Variants in HDAC9 observed in about 807,000 individuals in gnomAD.
HDAC9 encodes histone deacetylase 9, also known as MEF-2 interacting transcription repressor (MITR) protein.
A neutral mutation model predicts 139.4 loss-of-function variants in HDAC9; 41 were observed. The ratio of observed to expected loss-of-function variants is 0.29; its 90% confidence interval spans 0.23 to 0.38. HDAC9 has a LOEUF of 0.38. Among genes scored for constraint, HDAC9 ranks in the 10% least tolerant of loss-of-function variants. The pLI, the probability that HDAC9 is intolerant of heterozygous loss-of-function variation, is 1.00. For missense variants in HDAC9, 1,147 were observed against 1,297.0 expected (o/e 0.88, Z 1.78); for synonymous variants, 517 against 476.2 (o/e 1.09, Z -1.12).
intron 12 of HDAC9, among the ~76,000 whole-genome samples, chr7:18,675,333 C>A (rs374919738): frequency 6.6e-6 from 1 of 152,022 alleles, no homozygotes; most frequent in Non-Finnish European, 1.5e-5. Flanking sequence ...TCCCCACCTA[C>A]TAGCAACTCC....
At chr7:18,163,533 C>G (rs1000857358) in intron 2 of HDAC9, among the ~76,000 whole-genome samples, 2 of 152,080 alleles carry the variant, frequency 1.3e-5, no homozygotes, top group African/African-American at 4.8e-5. Context: ...TTTACAAGTT[C>G]CCTTGACAAT....
chr7:18,928,887 TTTATTA>T lies in HDAC9; in HGVS notation c.2804-6917_2804-6912del, dbSNP rs549299592. The stretch of plus-strand genomic sequence containing the variant: ...ATGATATATCACAACATAGAGCCTG[TTTATTA>T]TTATACTATTTATTTATTATTTTCT... On this transcript the variant is annotated intron_variant, in intron 22 of 25. Transcript: ENST00000686413. 2.6e-3 allele frequency among the ~76,000 whole-genome samples: 400 copies of T among 152,082 alleles called. 1 individual carries two copies. The highest frequency in any genetic ancestry group is 0.014 in the Middle Eastern group (4 of 292).
chr7:18,402,487 A>C (rs1787638725), intron 1 of HDAC9, among the ~76,000 whole-genome samples: 1 of 152,214 alleles, frequency 6.6e-6, no homozygotes, highest in African/African-American at 2.4e-5. Context: ...AATGTAGTAT[A>C]AAGTAAAAGA....
Position 18,719,657 on chromosome 7 carries a change from T to G in HDAC9, c.1732-7923T>G, listed in dbSNP as rs117927665. Reference sequence around the variant, plus strand: ...GCCTGACTTAAGTAACCTATTTTTTTGGGGGAGGGGGTCTCTTTTGCCTTT... The same window carrying G: ...GCCTGACTTAAGTAACCTATTTTTTGGGGGGAGGGGGTCTCTTTTGCCTTT... On this transcript the variant is annotated intron_variant, in intron 12 of 25. Transcript: ENST00000686413. Among the ~76,000 whole-genome samples the G allele has an allele frequency of 3.2e-3, 484 of 152,180 alleles. 3 individuals carry two copies. Among genetic ancestry groups the G allele is most frequent in the East Asian group, 0.026 (136 of 5,160 alleles).
At chr7:18,366,302 T>C (rs1051050234) in intron 1 of HDAC9, among the ~76,000 whole-genome samples, 4 of 152,138 alleles carry the variant, frequency 2.6e-5, no homozygotes, top group African/African-American at 4.8e-5. Context: ...GGTCAGTTAT[T>C]ACTTGGCAGT....
At chr7:18,740,372 C>G (rs1787337991) in intron 13 of HDAC9, among the ~76,000 whole-genome samples, 1 of 152,188 alleles carries the variant, frequency 6.6e-6, no homozygotes, top group Non-Finnish European at 1.5e-5. Context: ...GACCTGCAGA[C>G]CAGAGCTGTT....
At position 18,664,501 on chromosome 7, in the gene HDAC9, G is replaced by A. The variant is rs191083014; in HGVS notation, c.1468-1712G>A. On this transcript the variant is annotated intron_variant, in intron 11 of 25. Transcript: ENST00000686413. ...ATCATCTACTTTAACATTATCTTTC[G>A]GCATGTTCCTCTGGTTCTCAAACTC... is the stretch of plus-strand genomic sequence containing the variant. Among the ~76,000 whole-genome samples the A allele has an allele frequency of 7.8e-4, 119 of 151,720 alleles. 1 individual carries two copies. Among genetic ancestry groups the A allele is most frequent in the East Asian group, 3.3e-3 (17 of 5,144 alleles).
chr7:18,680,066 A>C (rs1781790441), intron 12 of HDAC9, among the ~76,000 whole-genome samples: 1 of 152,010 alleles, frequency 6.6e-6, no homozygotes, highest in Non-Finnish European at 1.5e-5. Flanking sequence ...GTGCCAATAT[A>C]AACCATGACT....
chr7:18,243,635 C>T (rs1178362311), intron 2 of HDAC9, among the ~76,000 whole-genome samples: 4 of 152,194 alleles, frequency 2.6e-5, no homozygotes, highest in African/African-American at 9.6e-5. Flanking sequence ...GGGAAGAAAA[C>T]GTGGACCTAG....
In HDAC9 at chr7:18,666,474, C is replaced by T; in HGVS notation, c.1729C>T (p.Gln577Ter). The T allele has an allele frequency of 1.2e-6, 2 of 1,607,556 alleles. No homozygotes were observed. Among genetic ancestry groups the T allele is most frequent in the Non-Finnish European group, 8.5e-7 (1 of 1,176,436 alleles). ...ESGEQAAFMQQPFLEPTHTRA... is the reference protein window; with the variant it reads ...ESGEQAAFMQ ...TGGGGAGCAGGCTGCTTTTATGCAA[C>T]AGGTAATAGGCAAAGATTTAGCTCC... is the stretch of plus-strand genomic sequence containing the variant. Residue 577 changes from glutamine to a stop codon, truncating the protein, a stop_gained and splice_region_variant, in exon 12 of 26, where the codon CAG becomes TAG. Transcript: ENST00000686413. LOFTEE classifies it high-confidence loss of function.
chr7:18,699,469 C>G (rs1783302193), intron 12 of HDAC9, among the ~76,000 whole-genome samples: 1 of 152,026 alleles, frequency 6.6e-6, no homozygotes, highest in Non-Finnish European at 1.5e-5. Context: ...TGTTTCCAAT[C>G]AGAATTCCTT....
At chr7:18,415,404 C>G (rs1053452437) in intron 1 of HDAC9, among the ~76,000 whole-genome samples, 1 of 152,198 alleles carries the variant, frequency 6.6e-6, no homozygotes, top group Admixed American at 6.5e-5. Context: ...TCTTTAGAGG[C>G]CTTTAGTGAA....
At chr7:18,709,838 TG>T (rs1784216900) in intron 12 of HDAC9, among the ~76,000 whole-genome samples, 1 of 152,150 alleles carries the variant, frequency 6.6e-6, no homozygotes, top group Non-Finnish European at 1.5e-5. Context: ...CACCCAGCCT[TG>T]CCCTGTGATT....
chr7:18,468,991 A>G (rs1794518294), intron 1 of HDAC9, among the ~76,000 whole-genome samples: 1 of 152,208 alleles, frequency 6.6e-6, no homozygotes, highest in Admixed American at 6.5e-5. Flanking sequence ...TCAGACTTTT[A>G]TTCATGCATC....
chr7:18,849,868 G>T (rs1797156919), intron 21 of HDAC9, among the ~76,000 whole-genome samples: 1 of 152,126 alleles, frequency 6.6e-6, no homozygotes, highest in Non-Finnish European at 1.5e-5. Flanking sequence ...GTATCATGGT[G>T]TGGCAATGCC....
At chr7:18,838,614 T>C (rs1796388022) in intron 21 of HDAC9, among the ~76,000 whole-genome samples, 1 of 152,098 alleles carries the variant, frequency 6.6e-6, no homozygotes, top group Admixed American at 6.6e-5. Context: ...CTTAGTCAGA[T>C]AGACTGCCAA....
intron 2 of HDAC9, among the ~76,000 whole-genome samples, chr7:18,566,683 C>A (rs1038728977): frequency 6.6e-6 from 1 of 152,124 alleles, no homozygotes; most frequent in Non-Finnish European, 1.5e-5. Flanking sequence ...GTTCTTTCTG[C>A]CAAATTCTGT....
At chr7:18,577,115 A>C (rs1826217669) in intron 2 of HDAC9, among the ~76,000 whole-genome samples, 1 of 152,336 alleles carries the variant, frequency 6.6e-6, no homozygotes, top group Non-Finnish European at 1.5e-5. Flanking sequence ...TCTCATTTAC[A>C]TCTCACAACT....
chr7:18,303,757 G>A (rs998904340), intron 1 of HDAC9, among the ~76,000 whole-genome samples: 4 of 152,132 alleles, frequency 2.6e-5, no homozygotes, highest in Non-Finnish European at 1.5e-5. Context: ...TGAGTGATTT[G>A]GCAATTTGTG....
Sources: gnomAD v4.1 joint callset for allele counts (sites outside exome capture counted in the v4.1 genomes callset) on GRCh38, gnomAD v4.1.1 for gene constraint, MANE v1.5 for transcripts, NCBI Gene and HGNC (gene_info 2026-07-23, HGNC 2026-07-21) for gene names.